The following SLC22A7 variants were observed in gnomAD, a reference collection of about 807,000 sequenced individuals.
SLC22A7 encodes hOAT2.
SLC22A7 carries 48 observed loss-of-function variants against 62.2 expected under a neutral mutation model. The observed-to-expected ratio is 0.77, with a 90% CI of 0.61 to 0.98. The LOEUF (loss-of-function observed/expected upper bound fraction) is 0.98. Ranked by LOEUF, SLC22A7 falls within the 50% of genes least tolerant of loss-of-function variation. SLC22A7 has a pLI of 0.00. For synonymous variants in SLC22A7, 276 were observed against 314.8 expected, an observed-to-expected ratio of 0.88 and a Z score of 1.30; for missense variants, 581 against 703.8, an observed-to-expected ratio of 0.83 and a Z score of 1.97.
rs1471050192 is a variant in SLC22A7 at position 43,305,378 on chromosome 6, C to T, written c.*653C>T. The stretch of plus-strand genomic sequence containing the variant: ...TTCTCATGGCTGGCCCTGCTACCTC[C>T]GAGGCACCCTGCAGGGCAATGCATG... On this transcript the variant is annotated 3_prime_UTR_variant, in exon 11 of 11. Coordinates refer to ENST00000372585, the MANE Select transcript of SLC22A7 (RefSeq NM_153320.2). 4 of 241,510 alleles carry T rather than the reference C, an allele frequency of 1.7e-5. No individual in the cohort carries two copies. The East Asian group carries it at 4.4e-4, about 26-fold the overall frequency. 15.0% of individuals were successfully genotyped at this position (241,510 alleles called of 1,614,324 possible).
At chr6:43,301,041 C>G in intron 5 of SLC22A7, 94 bp from the exon 6 acceptor site, 1 of 1,523,910 alleles carries the variant, frequency 6.6e-7, no homozygotes, top group Non-Finnish European at 9.0e-7. Flanking sequence ...ACTACATGAG[C>G]AAGAGCCTGG....
At chr6:43,301,439 AC>A (rs67168912) in intron 6 of SLC22A7, 143 bp from the exon 7 acceptor site, 1 of 1,061,690 alleles carries the variant, frequency 9.4e-7, no homozygotes, top group Non-Finnish European at 1.4e-6. Flanking sequence ...ATCATTCGAG[AC>A]CCACTCGTCT....
Position 43,305,369 on chromosome 6 carries a change from T to C in SLC22A7, c.*644T>C. 1 of 237,188 alleles carries C rather than the reference T, an allele frequency of 4.2e-6. No homozygotes were observed. Among genetic ancestry groups the C allele is most frequent in the South Asian group, 5.5e-5 (1 of 18,308 alleles). The allele number at this position is 237,188 out of a possible 1,614,324, so 14.7% of individuals were successfully genotyped here. On this transcript the variant is annotated 3_prime_UTR_variant, in exon 11 of 11. Coordinates refer to ENST00000372585, the MANE Select transcript of SLC22A7 (RefSeq NM_153320.2). ...AGCTTTTTGTTCTCATGGCTGGCCC[T>C]GCTACCTCCGAGGCACCCTGCAGGG...
Position 43,301,662 on chromosome 6 carries a change from G to C in SLC22A7, c.1031G>C (p.Arg344Pro). 6.2e-7 allele frequency: 1 copy of C among 1,613,690 alleles called. No homozygotes were observed. The highest frequency in any genetic ancestry group is 8.5e-7 in the Non-Finnish European group (1 of 1,179,798). Reference sequence around the variant, plus strand: ...GACCTGTTCCGCACACCACGGCTCCGACACATCTCACTGTGCTGCGTGGTG... The same window carrying C: ...GACCTGTTCCGCACACCACGGCTCCCACACATCTCACTGTGCTGCGTGGTG... ...YLDLFRTPRL[R>P]HISLCCVVVW... The change falls in exon 7 of 11, where the codon CGA (arginine) becomes CCA (proline). Residue 344 changes from arginine (R) to proline (P), a missense_variant. Transcript: ENST00000372585.
At position 43,299,212 on chromosome 6, in the gene SLC22A7, G is replaced by A. The variant is rs766675697; in HGVS notation, c.399+115G>A. 1 of 1,613,720 alleles carries A rather than the reference G, an allele frequency of 6.2e-7. No individual in the cohort carries two copies. Among genetic ancestry groups the A allele is most frequent in the South Asian group, 1.1e-5 (1 of 91,018 alleles). On this transcript the variant is annotated intron_variant, in intron 2 of 10. Coordinates refer to ENST00000372585, the MANE Select transcript of SLC22A7 (RefSeq NM_153320.2). The surrounding 1 kb of genome is among the most constrained non-coding windows in gnomAD (Gnocchi z 4.4). The stretch of plus-strand genomic sequence containing the variant: ...AGCTGAGGCTGCAGGACTGGGGAGG[G>A]ACAAAGTTTCCTATTCCCCAAGCTG...
At chr6:43,296,876 T>C (rs1166245349), upstream of SLC22A7, among the ~76,000 whole-genome samples, 1 of 152,094 alleles carries the variant, frequency 6.6e-6, no homozygotes, top group East Asian at 1.9e-4. Flanking sequence ...TGTGTTTAAA[T>C]GTTCACTGTG....
Position 43,302,870 on chromosome 6 carries a change from TTTTAA to T in SLC22A7, c.1385+111_1385+115del. The T allele has an allele frequency of 1.3e-5, 10 of 779,792 alleles. No individual in the cohort carries two copies. Among genetic ancestry groups the T allele is most frequent in the African/African-American group, 1.8e-5 (1 of 57,004 alleles). 48.3% of individuals were successfully genotyped at this position (779,792 alleles called of 1,614,324 possible). A position where few individuals can be genotyped will look rare whatever the true frequency, so the allele number is the denominator to read the frequency against. On this transcript the variant is annotated intron_variant, in intron 9 of 10. Coordinates refer to ENST00000372585, the MANE Select transcript of SLC22A7 (RefSeq NM_153320.2). The surrounding 1 kb of genome is among the most constrained non-coding windows in gnomAD (Gnocchi z 5.0). ...CAACCTGGTCTCTCACTCATTTTTT[TTTTAA>T]TTTTAATTTTTGGTAGAGACGGGGT...
Position 43,299,355 on chromosome 6 carries a change from G to T in SLC22A7, c.400-35G>T. ...TGGTGCCTGCTGGAGAGGGGCTGAT[G>T]TTCATAGGAGGTCCCTTTCTGCCTG... On this transcript the variant is annotated intron_variant, in intron 2 of 10. Coordinates refer to ENST00000372585, the MANE Select transcript of SLC22A7 (RefSeq NM_153320.2). The surrounding 1 kb of genome is among the most constrained non-coding windows in gnomAD (Gnocchi z 4.4). The T allele has an allele frequency of 6.2e-7, 1 of 1,612,694 alleles. No individual in the cohort carries two copies. The highest frequency in any genetic ancestry group is 8.5e-7 in the Non-Finnish European group (1 of 1,178,762).
Position 43,302,514 on chromosome 6 carries a change from C to T in SLC22A7, c.1276+100C>T. On this transcript the variant is annotated intron_variant, in intron 8 of 10. Transcript: ENST00000372585. This position sits in a 1 kb window ranked among gnomAD's most constrained non-coding sequence, Gnocchi z 5.0. ...CCTCCTGGCCAAGAACCCACTCCTC[C>T]CCCAGATCCCTGCTCTTACCCAGTG... 1 of 1,223,780 alleles carries T rather than the reference C, an allele frequency of 8.2e-7. No individual in the cohort carries two copies. Among genetic ancestry groups the T allele is most frequent in the Non-Finnish European group, 1.1e-6 (1 of 879,050 alleles). 75.8% of individuals were successfully genotyped at this position (1,223,780 alleles called of 1,614,324 possible). A position where few individuals can be genotyped will look rare whatever the true frequency, so the allele number is the denominator to read the frequency against.
intron 6 of SLC22A7, 131 bp downstream of exon 6, chr6:43,301,389 C>G (rs1778741606): frequency 7.3e-7 from 1 of 1,365,228 alleles, no homozygotes; most frequent in South Asian, 1.3e-5. Context: ...GAGTTCCGAA[C>G]TCTTTAGGAT....
Position 43,302,112 on chromosome 6 carries a change from C to T in SLC22A7, c.1062-88C>T, listed in dbSNP as rs1778773104. ...GGTTGCAGAGACAGAAGGAGATTGC[C>T]CTTGTAAAATGCCAAGTCTTCCTGA... On this transcript the variant is annotated intron_variant, in intron 7 of 10. Transcript: ENST00000372585. This position sits in a 1 kb window ranked among gnomAD's most constrained non-coding sequence, Gnocchi z 5.0. 1.7e-6 allele frequency: 2 copies of T among 1,206,686 alleles called. No individual in the cohort carries two copies. The highest frequency in any genetic ancestry group is 1.5e-5 in the African/African-American group (1 of 65,598). The allele number at this position is 1,206,686 out of a possible 1,614,324, so 74.7% of individuals were successfully genotyped here.
In SLC22A7 at chr6:43,299,676, C is replaced by T. The variant is rs1283366186; in HGVS notation, c.553C>T (p.Leu185=). 5.0e-6 allele frequency: 8 copies of T among 1,614,192 alleles called. No individual in the cohort carries two copies. Among genetic ancestry groups the T allele is most frequent in the Non-Finnish European group, 6.8e-6 (8 of 1,180,028 alleles). ...LLVAYVSTLV[L]GLASAASVSY... is the part of the protein sequence containing the mutation. Reference sequence around the variant, plus strand: ...GGTAGCCTACGTGAGTACCCTGGTGCTGGGCCTGGCATCTGCAGCCTCCGT... The same window carrying T: ...GGTAGCCTACGTGAGTACCCTGGTGTTGGGCCTGGCATCTGCAGCCTCCGT... Residue 185 remains leucine (L), a synonymous_variant, in exon 4 of 11, where the codon CTG becomes TTG. Coordinates refer to ENST00000372585, the MANE Select transcript of SLC22A7 (RefSeq NM_153320.2). The surrounding 1 kb of genome is among the most constrained non-coding windows in gnomAD (Gnocchi z 4.4).
In SLC22A7 at chr6:43,304,552, G is replaced by C. The variant is rs986919467; in HGVS notation, c.1593-119G>C. The C allele has an allele frequency of 3.7e-6, 3 of 810,332 alleles. No individual in the cohort carries two copies. In the African/African-American group the frequency reaches 5.2e-5, roughly 14 times the overall value. 50.2% of individuals were successfully genotyped at this position (810,332 alleles called of 1,614,324 possible). A position where few individuals can be genotyped will look rare whatever the true frequency, so the allele number is the denominator to read the frequency against. On this transcript the variant is annotated intron_variant, in intron 10 of 10. Coordinates refer to ENST00000372585, the MANE Select transcript of SLC22A7 (RefSeq NM_153320.2). ...GTACAAGCATGTGTGTGAGTCACTT[G>C]TACAGGCGTTTGTATACCAGGAACT...
chr6:43,299,546 C>T lies in SLC22A7; in HGVS notation c.503+53C>T. 2 of 1,605,162 alleles carry T rather than the reference C, an allele frequency of 1.2e-6. No homozygotes were observed. The highest frequency in any genetic ancestry group is 1.7e-6 in the Non-Finnish European group (2 of 1,173,530). On this transcript the variant is annotated intron_variant, in intron 3 of 10. Transcript: ENST00000372585. The surrounding 1 kb of genome is among the most constrained non-coding windows in gnomAD (Gnocchi z 4.4). ...AACTGGCTGGGGGAACTTTCTCCCA[C>T]TAGCTGGGGTATGAGCCTAGTCTAC...
Position 43,299,239 on chromosome 6 carries a change from C to G in SLC22A7, c.399+142C>G, listed in dbSNP as rs780417511. The stretch of plus-strand genomic sequence containing the variant: ...CAAAGTTTCCTATTCCCCAAGCTGG[C>G]GTGAATCGTTGGGAGGTTTATTATC... On this transcript the variant is annotated intron_variant, in intron 2 of 10. Transcript: ENST00000372585. The surrounding 1 kb of genome is among the most constrained non-coding windows in gnomAD (Gnocchi z 4.4). 9 of 1,610,704 alleles carry G rather than the reference C, an allele frequency of 5.6e-6. No individual in the cohort carries two copies. The African/African-American group carries it at 1.2e-4, about 22-fold the overall frequency.
chr6:43,302,655 A>C lies in SLC22A7; in HGVS notation c.1277A>C (p.Asp426Ala). The C allele has an allele frequency of 6.3e-7, 1 of 1,596,364 alleles. No homozygotes were observed. The highest frequency in any genetic ancestry group is 8.6e-7 in the Non-Finnish European group (1 of 1,168,348). The change falls in exon 9 of 11, where the codon GAT becomes GCT. Residue 426 changes from aspartate (D) to alanine (A), a missense_variant and splice_region_variant. Physicochemically the swap from Asp to Ala is moderately radical, Grantham distance 126 (BLOSUM62 -2). Coordinates refer to ENST00000372585, the MANE Select transcript of SLC22A7 (RefSeq NM_153320.2). The surrounding 1 kb of genome is among the most constrained non-coding windows in gnomAD (Gnocchi z 5.0). The part of the protein sequence containing the change: ...AFGTRLLVSS[D>A]MKSWSTVLAV... ...ACTACCTGAACCCGCTTCCCTCCAG[A>C]TATGAAGTCCTGGAGCACTGTCCTG...
In SLC22A7 at chr6:43,304,731, A is replaced by G. The variant is rs369360157; in HGVS notation, c.*6A>G. On this transcript the variant is annotated 3_prime_UTR_variant, in exon 11 of 11. Coordinates refer to ENST00000372585, the MANE Select transcript of SLC22A7 (RefSeq NM_153320.2). ...TGAAGCAGGTCCAGAACTAAGTGGG[A>G]GTGGAGGCAGGCCCTCCACAGAAGC... is the stretch of plus-strand genomic sequence containing the variant. The G allele has an allele frequency of 2.7e-5, 43 of 1,567,636 alleles. No homozygotes were observed. The highest frequency in any genetic ancestry group is 3.6e-5 in the Non-Finnish European group (41 of 1,150,934).
chr6:43,303,929 G>C (rs1400506784), intron 9 of SLC22A7, 109 bp from the exon 10 acceptor site: 3 of 890,956 alleles, frequency 3.4e-6, no homozygotes, highest in Non-Finnish European at 4.9e-6. Flanking sequence ...TAGCTATATG[G>C]GGAGAAGGGA....
intron 9 of SLC22A7, among the ~76,000 whole-genome samples, chr6:43,303,805 T>C (rs538421464): frequency 6.6e-6 from 1 of 152,364 alleles, no homozygotes; most frequent in East Asian, 1.9e-4. Flanking sequence ...CCTTTAGTGA[T>C]ACCTAATTGG....
Sources: allele counts gnomAD v4.1 joint callset (sites outside exome capture counted in the v4.1 genomes callset), GRCh38; gene constraint gnomAD v4.1.1; non-coding constraint Gnocchi (gnomAD v3.1); transcripts MANE v1.5; gene names NCBI Gene and HGNC (gene_info 2026-07-23, HGNC 2026-07-21).